RNF216: variants seen among roughly 807,000 people sequenced by gnomAD.
RNF216 encodes the protein ring finger protein 216, also known as E3 ubiquitin-protein ligase RNF216.
A neutral mutation model predicts 110.8 loss-of-function variants in RNF216; 72 were observed. The ratio of observed to expected loss-of-function variants is 0.65; its 90% confidence interval spans 0.54 to 0.79. The LOEUF (loss-of-function observed/expected upper bound fraction) is 0.79. RNF216 is among the 30% of genes least tolerant of loss of function. The pLI is 0.00. For missense variants in RNF216, 1,342 were observed against 1,141.2 expected (o/e 1.18, Z -2.54); for synonymous variants, 495 against 407.5 (o/e 1.21, Z -2.59).
At chr7:5,730,162 T>A (rs1192567828) in intron 6 of RNF216, among the ~76,000 whole-genome samples, 1 of 152,244 alleles carries the variant, frequency 6.6e-6, no homozygotes, top group South Asian at 2.1e-4. Flanking sequence ...ATGACCTGCA[T>A]GCTGAAGTAC....
chr7:5,721,272 T>G, intron 8 of RNF216, 100 bp from the exon 9 acceptor site: 1 of 1,040,388 alleles, frequency 9.6e-7, no homozygotes, highest in Admixed American at 2.0e-5. Context: ...CCACCTTCTC[T>G]CTGATGGTAC....
chr7:5,626,531 A>G (rs976233878), intron 15 of RNF216, among the ~76,000 whole-genome samples: 1 of 152,156 alleles, frequency 6.6e-6, no homozygotes, highest in African/African-American at 2.4e-5. Context: ...AGCCTGGGCA[A>G]CAAAGTGAGA....
Position 5,741,266 on chromosome 7 carries a change from G to C in RNF216, c.751C>G (p.Pro251Ala), listed in dbSNP as rs760503249. 2 of 1,614,008 alleles carry C rather than the reference G, an allele frequency of 1.2e-6. No homozygotes were observed. Among genetic ancestry groups the C allele is most frequent in the South Asian group, 2.2e-5 (2 of 91,076 alleles). ...TCTGCTTCAGGCTGCCGTTCCTGAG[G>C]AACGACCTGGTTTGTTATTTCACGG... ...QPREITNQVV[P>A]QERQPEAELG... Residue 251 changes from proline to alanine, a missense_variant, in exon 4 of 17, where the codon CCT becomes GCT. Coordinates refer to ENST00000389902, the MANE Select transcript of RNF216 (RefSeq NM_207111.4).
chr7:5,723,565 T>G (rs1339070513), intron 8 of RNF216, among the ~76,000 whole-genome samples: 3 of 151,534 alleles, frequency 2.0e-5, no homozygotes, highest in African/African-American at 7.3e-5. Context: ...GAGAATGGCG[T>G]GAACCCAGGA....
At chr7:5,659,087 G>A (rs1220062513) in intron 13 of RNF216, among the ~76,000 whole-genome samples, 3 of 152,150 alleles carry the variant, frequency 2.0e-5, no homozygotes, top group Non-Finnish European at 4.4e-5. Context: ...ACACTAGCGA[G>A]ATTGGTGGAA....
At chr7:5,682,341 G>A (rs1258290873) in intron 13 of RNF216, among the ~76,000 whole-genome samples, 1 of 151,944 alleles carries the variant, frequency 6.6e-6, no homozygotes, top group Non-Finnish European at 1.5e-5. Context: ...TGGAGCACAT[G>A]TTACTACTTA....
chr7:5,647,394 T>C (rs1299242947), intron 14 of RNF216, among the ~76,000 whole-genome samples: 3 of 147,918 alleles, frequency 2.0e-5, no homozygotes, highest in Non-Finnish European at 3.0e-5. Context: ...AGTACACTTG[T>C]ACAATCATGG....
rs753065769 is a variant in RNF216, at chr7:5,641,142, G to C, written c.2382+12C>G. The C allele has an allele frequency of 6.3e-7, 1 of 1,580,674 alleles. No homozygotes were observed. Among genetic ancestry groups the C allele is most frequent in the South Asian group, 1.1e-5 (1 of 90,048 alleles). ...TCCCTATAAAGCAATAGGCAGCCAT[G>C]TGTCTACTTACAGTGGGATCGGTCC... On this transcript the variant is annotated intron_variant, in intron 15 of 16. Coordinates refer to ENST00000389902, the MANE Select transcript of RNF216 (RefSeq NM_207111.4).
At chr7:5,693,799 AC>A (rs763349920) in intron 13 of RNF216, among the ~76,000 whole-genome samples, 5 of 152,182 alleles carry the variant, frequency 3.3e-5, no homozygotes, top group African/African-American at 7.2e-5. Flanking sequence ...AAAGCTGGTC[AC>A]CCATGGCCAG....
At chr7:5,713,830 C>A (rs1792873413) in intron 11 of RNF216, among the ~76,000 whole-genome samples, 1 of 152,206 alleles carries the variant, frequency 6.6e-6, no homozygotes, top group South Asian at 2.1e-4. Context: ...AAACTCATCA[C>A]CTCATTTAGC....
intron 13 of RNF216, among the ~76,000 whole-genome samples, chr7:5,675,714 C>CTTTTTTTTTTTTTTT (rs754444984): frequency 2.8e-5 from 4 of 141,264 alleles, no homozygotes; most frequent in Admixed American, 1.4e-4. Flanking sequence ...TATTCAAATT[C>CTTTTTTTTTTTTTTT]TTTTTTTTTT....
chr7:5,716,742 G>C lies in RNF216; in HGVS notation c.1669C>G (p.Gln557Glu). 6.2e-7 allele frequency: 1 copy of C among 1,607,256 alleles called. No homozygotes were observed. Among genetic ancestry groups the C allele is most frequent in the Non-Finnish European group, 8.5e-7 (1 of 1,176,354 alleles). The change falls in exon 10 of 17, where the codon CAG (glutamine) becomes GAG (glutamate). Residue 557 changes from glutamine to glutamate, a missense_variant. Gln to Glu is a conservative substitution (Grantham distance 29). Coordinates refer to ENST00000389902, the MANE Select transcript of RNF216 (RefSeq NM_207111.4). The part of the protein sequence containing the change: ...AEHEDFLLAL[Q>E]MNEEQYQKDG... ...TTTTGATACTGTTCTTCATTCATCT[G>C]TAGGGCAAGCAAAAAGTCTTCATGC...
intron 14 of RNF216, among the ~76,000 whole-genome samples, chr7:5,651,053 G>C (rs563452675): frequency 2.0e-5 from 3 of 152,316 alleles, no homozygotes; most frequent in African/African-American, 2.4e-5. Context: ...GCGGAAGTGA[G>C]ATATATGTAT....
At chr7:5,722,398 GT>G (rs1233524070) in intron 8 of RNF216, among the ~76,000 whole-genome samples, 4 of 128,120 alleles carry the variant, frequency 3.1e-5, no homozygotes, top group African/African-American at 8.5e-5. Flanking sequence ...TGTTTGTTTT[GT>G]TTTTTTTTGA....
At chr7:5,675,739 C>T (rs1332681390) in intron 13 of RNF216, among the ~76,000 whole-genome samples, 4 of 130,520 alleles carry the variant, frequency 3.1e-5, no homozygotes, top group South Asian at 2.3e-4. Flanking sequence ...GGTGGAGTTT[C>T]GCTCTTGTTG....
At chr7:5,663,204 C>G (rs1789263255) in intron 13 of RNF216, among the ~76,000 whole-genome samples, 1 of 152,084 alleles carries the variant, frequency 6.6e-6, no homozygotes, top group African/African-American at 2.4e-5. Flanking sequence ...TTCCAAATGC[C>G]AGGCGCTCCT....
chr7:5,668,106 G>C (rs1789646243), intron 13 of RNF216, among the ~76,000 whole-genome samples: 1 of 152,158 alleles, frequency 6.6e-6, no homozygotes, highest in Middle Eastern at 3.2e-3. Flanking sequence ...GTGGATATCA[G>C]ACAGGACATC....
At chr7:5,727,184 G>A (rs1319432145) in intron 7 of RNF216, among the ~76,000 whole-genome samples, 3 of 152,170 alleles carry the variant, frequency 2.0e-5, no homozygotes, top group Non-Finnish European at 4.4e-5. Flanking sequence ...CCAGTGTGGC[G>A]GTGTTGAGAA....
At chr7:5,749,606 A>G (rs1795229074) in intron 3 of RNF216, among the ~76,000 whole-genome samples, 1 of 152,214 alleles carries the variant, frequency 6.6e-6, no homozygotes, top group South Asian at 2.1e-4. Context: ...GTTTTTAACC[A>G]CAGCCATTTT....
Sources: gnomAD v4.1 joint callset for allele counts (sites outside exome capture counted in the v4.1 genomes callset) on GRCh38, gnomAD v4.1.1 for gene constraint, MANE v1.5 for transcripts, NCBI Gene and HGNC (gene_info 2026-07-23, HGNC 2026-07-21) for gene names.